Variants in GPC6 observed in about 807,000 individuals in gnomAD.
The protein encoded by GPC6 is glypican-6.
A neutral mutation model predicts 55.2 loss-of-function variants in GPC6; 14 were observed. The observed-to-expected ratio is 0.25, with a 90% CI of 0.17 to 0.40. GPC6 has a LOEUF of 0.40. Among genes scored for constraint, GPC6 ranks in the 10% least tolerant of loss-of-function variants. The pLI is 1.00. For synonymous variants in GPC6, 278 were observed against 259.6 expected (o/e 1.07, Z -0.68); for missense variants, 641 against 708.5 (o/e 0.90, Z 1.08).
intron 4 of GPC6, among the ~76,000 whole-genome samples, chr13:94,096,993 T>C (rs12020257): frequency 1.1e-4 from 12 of 114,048 alleles, no homozygotes; most frequent in Non-Finnish European, 2.2e-4. Flanking sequence ...TTGATAAATA[T>C]GTTAATACCT....
At chr13:94,213,863 A>G (rs745813751) in intron 4 of GPC6, among the ~76,000 whole-genome samples, 4 of 152,224 alleles carry the variant, frequency 2.6e-5, no homozygotes, top group Non-Finnish European at 4.4e-5. Context: ...TGTAAGGATC[A>G]TGGTACAGTG....
At chr13:93,645,524 C>T (rs564484937) in intron 2 of GPC6, among the ~76,000 whole-genome samples, 70 of 152,188 alleles carry the variant, frequency 4.6e-4, no homozygotes, top group Non-Finnish European at 7.4e-4. Context: ...GAAGAGTGAT[C>T]ATTTCTATGT....
At chr13:94,223,095 TA>T (rs1890435612) in intron 4 of GPC6, among the ~76,000 whole-genome samples, 1 of 152,160 alleles carries the variant, frequency 6.6e-6, no homozygotes, top group African/African-American at 2.4e-5. Context: ...ATCCTATTTT[TA>T]AAAATGACCA....
At position 94,123,536 on chromosome 13, in the gene GPC6, C is replaced by G. The variant is rs757530918; in HGVS notation, c.877+95642C>G. On this transcript the variant is annotated intron_variant, in intron 4 of 8. Coordinates refer to ENST00000377047, the MANE Select transcript of GPC6 (RefSeq NM_005708.5). ...AAGGCATCTTATATCTCTCTCTATT[C>G]CTAGTCTTGGTTACTAAGATATGAT... Among the ~76,000 whole-genome samples, 85 of 151,942 alleles carry G rather than the reference C, an allele frequency of 5.6e-4. 1 individual carries two copies. The highest frequency in any genetic ancestry group is 9.1e-4 in the Non-Finnish European group (62 of 67,958).
intron 3 of GPC6, among the ~76,000 whole-genome samples, chr13:93,859,181 C>T (rs569205276): frequency 5.9e-5 from 9 of 151,714 alleles, no homozygotes; most frequent in African/African-American, 2.2e-4. Context: ...AGGTCTTAAG[C>T]ACTTTCTCTT....
At chr13:93,779,305 A>G (rs1347549444) in intron 2 of GPC6, among the ~76,000 whole-genome samples, 1 of 152,180 alleles carries the variant, frequency 6.6e-6, no homozygotes, top group Non-Finnish European at 1.5e-5. Context: ...TTTTTTGTAT[A>G]AGAAAAATAA....
chr13:94,372,550 C>G (rs1024427326), intron 6 of GPC6, among the ~76,000 whole-genome samples: 1 of 152,204 alleles, frequency 6.6e-6, no homozygotes, highest in African/African-American at 2.4e-5. Context: ...CCGCACCTGG[C>G]TCGGAGGGTC....
intron 1 of GPC6, among the ~76,000 whole-genome samples, chr13:93,275,658 C>G (rs553875638): frequency 6.6e-6 from 1 of 152,138 alleles, no homozygotes; most frequent in African/African-American, 2.4e-5. Context: ...TGGGGTTTCT[C>G]CTGTGTGTGC....
intron 1 of GPC6, among the ~76,000 whole-genome samples, chr13:93,528,413 A>G (rs1242161900): frequency 2.0e-5 from 3 of 152,120 alleles, no homozygotes; most frequent in African/African-American, 7.2e-5. Flanking sequence ...AGTCAGAGAG[A>G]GTGAAAGATG....
At position 94,405,667 on chromosome 13, in the gene GPC6, A is replaced by G. The variant is rs1295591341; in HGVS notation, c.*2450A>G. 1 of 152,190 alleles carries G rather than the reference A, an allele frequency of 6.6e-6. No homozygotes were observed. Among genetic ancestry groups the G allele is most frequent in the Non-Finnish European group, 1.5e-5 (1 of 68,026 alleles). 9.4% of individuals were successfully genotyped at this position (152,190 alleles called of 1,614,324 possible). On this transcript the variant is annotated 3_prime_UTR_variant, in exon 9 of 9. Transcript: ENST00000377047. ...TACGCACTAAACACACAGTTAATAT[A>G]TAAACGCCTGCTTCATTTGTTTCAA...
chr13:94,116,693 G>A (rs1886443061), intron 4 of GPC6, among the ~76,000 whole-genome samples: 1 of 151,974 alleles, frequency 6.6e-6, no homozygotes, highest in South Asian at 2.1e-4. Context: ...TGTATTCTAC[G>A]ATGGAGAATG....
intron 4 of GPC6, among the ~76,000 whole-genome samples, chr13:94,283,596 T>C (rs75470387): frequency 0.021 from 3,129 of 152,352 alleles, 51 homozygotes; most frequent in Middle Eastern, 0.041. Context: ...TCAGTGTCTC[T>C]CTGTGTGCCT....
chr13:93,672,151 T>TG (rs1881385636), intron 2 of GPC6, among the ~76,000 whole-genome samples: 1 of 138,256 alleles, frequency 7.2e-6, no homozygotes, highest in African/African-American at 2.5e-5. Context: ...GTTCTGGGTT[T>TG]TTTTTTTTTT....
At chr13:94,326,232 CACACAG>C (rs751168960) in intron 6 of GPC6, among the ~76,000 whole-genome samples, 3 of 149,596 alleles carry the variant, frequency 2.0e-5, no homozygotes, top group African/African-American at 7.3e-5. Flanking sequence ...CACACACACA[CACACAG>C]GCACATATAT....
chr13:94,306,052 A>G lies in GPC6; in HGVS notation c.1081A>G (p.Asn361Asp), dbSNP rs1175334993. The G allele has an allele frequency of 6.2e-6, 10 of 1,614,052 alleles. No homozygotes were observed. The highest frequency in any genetic ancestry group is 7.6e-6 in the Non-Finnish European group (9 of 1,180,016). Reference protein sequence around the residue: ...RSARSAPENFNTRFRPYNPEE... With the variant: ...RSARSAPENFDTRFRPYNPEE... ...TGCCCGCTCAGCTCCTGAAAATTTT[A>G]ATACACGTTTCAGGCCCTACAATCC... Residue 361 changes from asparagine to aspartate, a missense_variant, in exon 6 of 9, where the codon AAT becomes GAT. Physicochemically the swap from Asn to Asp is conservative, Grantham distance 23 (BLOSUM62 1). Transcript: ENST00000377047.
intron 4 of GPC6, among the ~76,000 whole-genome samples, chr13:94,161,746 C>T (rs1594006088): frequency 6.6e-6 from 1 of 152,286 alleles, no homozygotes; most frequent in Admixed American, 6.5e-5. Context: ...AAAAAACCAA[C>T]TCAAACTGGC....
chr13:93,880,376 T>A (rs1874883964), intron 3 of GPC6, among the ~76,000 whole-genome samples: 1 of 152,112 alleles, frequency 6.6e-6, no homozygotes, highest in African/African-American at 2.4e-5. Flanking sequence ...CATGGAATAC[T>A]ATGCAGCCAT....
intron 3 of GPC6, among the ~76,000 whole-genome samples, chr13:93,939,754 C>A (rs983605553): frequency 1.3e-5 from 2 of 152,094 alleles, no homozygotes; most frequent in African/African-American, 4.8e-5. Flanking sequence ...CTAACCATAA[C>A]ACCAACATTT....
At chr13:93,845,286 T>A (rs1398840674) in intron 3 of GPC6, among the ~76,000 whole-genome samples, 1 of 150,982 alleles carries the variant, frequency 6.6e-6, no homozygotes, top group Non-Finnish European at 1.5e-5. Flanking sequence ...CTATGAGATA[T>A]CATCTCACAC....
Sources: gnomAD v4.1 joint callset for allele counts (sites outside exome capture counted in the v4.1 genomes callset) on GRCh38, gnomAD v4.1.1 for gene constraint, MANE v1.5 for transcripts, NCBI Gene and HGNC (gene_info 2026-07-23, HGNC 2026-07-21) for gene names.